ZNF862: variants seen among roughly 807,000 people sequenced by gnomAD.
ZNF862 encodes the protein zinc finger protein 862.
Under a neutral mutation model 91.1 loss-of-function variants are expected in ZNF862, and 64 were observed. The ratio of observed to expected loss-of-function variants is 0.70; its 90% CI spans 0.57 to 0.87. The LOEUF (loss-of-function observed/expected upper bound fraction) is 0.87, where lower values mean the gene tolerates loss of function less well. Ranked by LOEUF, ZNF862 falls within the 40% of genes least tolerant of loss-of-function variation. The pLI is 0.00. For synonymous variants in ZNF862, 631 were observed against 618.1 expected (o/e 1.02, Z -0.31); for missense variants, 1,459 against 1,528.0 (o/e 0.95, Z 0.75).
At chr7:149,856,164 G>C (rs1041650401) in intron 5 of ZNF862, 1 of 152,272 alleles carries the variant, frequency 6.6e-6, no homozygotes, top group Non-Finnish European at 1.5e-5. Context: ...ATGAGGAAGA[G>C]CTGGCTCCTG....
chr7:149,847,987 G>A lies in ZNF862; in HGVS notation c.494G>A (p.Arg165Gln), dbSNP rs1226967276. 1.2e-6 allele frequency: 2 copies of A among 1,612,394 alleles called. No individual in the cohort carries two copies. Among genetic ancestry groups the A allele is most frequent in the South Asian group, 1.1e-5 (1 of 90,816 alleles). Reference sequence around the variant, plus strand: ...ACGGCTCTGTTCTGCTCTGCTTGCCGAGAATACCCCTCCATCAGGGACAAA... The same window carrying A: ...ACGGCTCTGTTCTGCTCTGCTTGCCAAGAATACCCCTCCATCAGGGACAAA... ...EQTALFCSACREYPSIRDKRS... is the reference protein window; with the variant it reads ...EQTALFCSACQEYPSIRDKRS... Residue 165 changes from arginine to glutamine, a missense_variant, in exon 4 of 8, where the codon CGA becomes CAA. Coordinates refer to ENST00000223210, the MANE Select transcript of ZNF862 (RefSeq NM_001099220.3).
rs781430028 is a variant in ZNF862, at chr7:149,862,302, C to T, written c.3142C>T (p.Arg1048Ter). Residue 1048 changes from arginine (R) to a stop codon, truncating the protein, a stop_gained, in exon 7 of 8, where the codon CGA becomes TGA. Transcript: ENST00000223210. LOFTEE classifies it high-confidence loss of function. ...CCERGFKAMNRIRTDERTKLS... is the reference protein window; with the variant it reads ...CCERGFKAMN ...TGAGCGGGGGTTCAAGGCCATGAACCGAATCAGGACCGATGAGAGGACCAA... is the reference window on the plus strand; with the variant it reads ...TGAGCGGGGGTTCAAGGCCATGAACTGAATCAGGACCGATGAGAGGACCAA... 9 of 1,613,400 alleles carry T rather than the reference C, an allele frequency of 5.6e-6. No individual in the cohort carries two copies. The highest frequency in any genetic ancestry group is 4.0e-5 in the African/African-American group (3 of 74,914).
intron 2 of ZNF862, 86 bp from the exon 3 acceptor site, chr7:149,846,063 CAG>C (rs1364373069): frequency 1.1e-6 from 1 of 918,674 alleles, no homozygotes; most frequent in Non-Finnish European, 1.7e-6. Flanking sequence ...ATGTCGCAGA[CAG>C]ATACCTCCTT....
chr7:149,854,686 T>C (rs749167071), intron 5 of ZNF862, among the ~76,000 whole-genome samples: 11 of 152,188 alleles, frequency 7.2e-5, no homozygotes, highest in Non-Finnish European at 1.2e-4. Context: ...ACTTATGCTG[T>C]TGCCAGAATC....
rs755047518 is a variant in ZNF862, at chr7:149,847,834, A to C, written c.341A>C (p.His114Pro). ...CCTCAGAAGAAAGCCTACCTTTCCCACCTCAGTACAGGCAGTGGACACATC... is the reference window on the plus strand; with the variant it reads ...CCTCAGAAGAAAGCCTACCTTTCCCCCCTCAGTACAGGCAGTGGACACATC... ...LPPQKKAYLS[H>P]LSTGSGHIEG... Residue 114 changes from histidine to proline, a missense_variant, in exon 4 of 8, where the codon CAC becomes CCC. Physicochemically the swap from His to Pro is moderately conservative, Grantham distance 77. Transcript: ENST00000223210. 2.5e-6 allele frequency: 4 copies of C among 1,613,692 alleles called. No individual in the cohort carries two copies. Among genetic ancestry groups the C allele is most frequent in the Non-Finnish European group, 3.4e-6 (4 of 1,179,786 alleles).
chr7:149,863,967 T>C, intron 7 of ZNF862, 142 bp from the exon 8 acceptor site: 1 of 804,860 alleles, frequency 1.2e-6, no homozygotes, highest in Non-Finnish European at 1.9e-6. Flanking sequence ...TAGCAACAGA[T>C]GAGGGCTGCA....
At chr7:149,849,783 C>T (rs1801998555) in intron 4 of ZNF862, among the ~76,000 whole-genome samples, 1 of 152,172 alleles carries the variant, frequency 6.6e-6, no homozygotes, top group Non-Finnish European at 1.5e-5. Flanking sequence ...CTCTTTGTTC[C>T]CATCCCATTG....
rs1802039310 is a variant in ZNF862 at position 149,850,586 on chromosome 7, T to G, written c.1117+248T>G. ...TTTGGAGTACCTACTATGTGCCAGA[T>G]GAACACAGCTGATCCATGGTCTCTG... On this transcript the variant is annotated intron_variant, in intron 5 of 7. Transcript: ENST00000223210. The surrounding 1 kb of genome is among the most constrained non-coding windows in gnomAD (Gnocchi z 4.2). The G allele has an allele frequency of 6.5e-6, 3 of 463,930 alleles. No homozygotes were observed. The highest frequency in any genetic ancestry group is 2.0e-5 in the African/African-American group (1 of 50,768). The allele number at this position is 463,930 out of a possible 1,614,324, so 28.7% of individuals were successfully genotyped here.
In ZNF862 at chr7:149,860,423, G is replaced by C; in HGVS notation, c.1263G>C (p.Gln421His). The C allele has an allele frequency of 6.2e-7, 1 of 1,613,526 alleles. No individual in the cohort carries two copies. The highest frequency in any genetic ancestry group is 8.5e-7 in the Non-Finnish European group (1 of 1,179,706). Residue 421 changes from glutamine (Q) to histidine (H), a missense_variant, in exon 7 of 8, where the codon CAG becomes CAC. By Grantham distance (24) the Gln-to-His change is conservative. Transcript: ENST00000223210. ...TGGCAGTGAGAGAGGCAGACACACA[G>C]GCCTCGGCTGCAGACTCCGCGTTGC... Reference protein sequence around the residue: ...KMVAVREADTQASAADSALLP... With the variant: ...KMVAVREADTHASAADSALLP...
intron 1 of ZNF862, chr7:149,841,710 C>T: frequency 1.0e-6 from 1 of 985,402 alleles, no homozygotes; most frequent in Non-Finnish European, 1.2e-6. Flanking sequence ...GTACTTGTTG[C>T]TGTATGTATT....
chr7:149,863,332 T>C (rs1802586260), intron 7 of ZNF862, among the ~76,000 whole-genome samples: 1 of 142,688 alleles, frequency 7.0e-6, no homozygotes, highest in African/African-American at 3.0e-5. Context: ...CGGCTGTTGC[T>C]GCTCCCAGTG....
Position 149,853,363 on chromosome 7 carries a change from C to T in ZNF862, c.1117+3025C>T, listed in dbSNP as rs550484966. On this transcript the variant is annotated intron_variant, in intron 5 of 7. Coordinates refer to ENST00000223210, the MANE Select transcript of ZNF862 (RefSeq NM_001099220.3). ...ATGTGGGTGTTTGTGGGTGTGTGCACGCACTCGCCACAGTTATGTGCCCTC... is the reference window on the plus strand; with the variant it reads ...ATGTGGGTGTTTGTGGGTGTGTGCATGCACTCGCCACAGTTATGTGCCCTC... Among the ~76,000 whole-genome samples, 9 of 152,282 alleles carry T rather than the reference C, an allele frequency of 5.9e-5. No individual in the cohort carries two copies. The East Asian group carries it at 1.2e-3, about 20-fold the overall frequency.
intron 1 of ZNF862, among the ~76,000 whole-genome samples, chr7:149,843,834 T>C (rs1801784366): frequency 6.6e-6 from 1 of 152,210 alleles, no homozygotes; most frequent in African/African-American, 2.4e-5. Flanking sequence ...TGCTGGAAGA[T>C]GCCAAGCCTT....
chr7:149,841,318 C>T, intron 1 of ZNF862: 3 of 985,348 alleles, frequency 3.0e-6, no homozygotes, highest in Non-Finnish European at 3.6e-6. Flanking sequence ...CATCTTGGGC[C>T]ATTGGATTGA....
chr7:149,848,270 A>T lies in ZNF862; in HGVS notation c.777A>T (p.Pro259=), dbSNP rs751290211. The T allele has an allele frequency of 1.2e-6, 2 of 1,612,190 alleles. No individual in the cohort carries two copies. Among genetic ancestry groups the T allele is most frequent in the South Asian group, 2.2e-5 (2 of 90,664 alleles). ...GGFDSMAELL[P]SSRAELEDPG... is the part of the protein sequence containing the mutation. ...TTGATAGCATGGCTGAGCTCCTGCC[A>T]AGTTCAAGAGCTGAACTAGAGGACC... Residue 259 remains proline, a synonymous_variant, in exon 4 of 8, where the codon CCA becomes CCT. Transcript: ENST00000223210.
At chr7:149,858,056 G>A (rs890510656) in intron 5 of ZNF862, among the ~76,000 whole-genome samples, 2 of 152,094 alleles carry the variant, frequency 1.3e-5, no homozygotes, top group Non-Finnish European at 2.9e-5. Flanking sequence ...TAGGTGAGAG[G>A]ACCTGGGATT....
chr7:149,838,442 C>G lies in ZNF862; in HGVS notation c.-170C>G, dbSNP rs1487588139. On this transcript the variant is annotated 5_prime_UTR_variant, in exon 1 of 8. Coordinates refer to ENST00000223210, the MANE Select transcript of ZNF862 (RefSeq NM_001099220.3). ...CTCAGCGCGCTTATCCTGGGTCCAC[C>G]GGCGCTACCGCCCCCCGACGTGAGA... The G allele has an allele frequency of 7.2e-6, 3 of 415,632 alleles. No homozygotes were observed. Among genetic ancestry groups the G allele is most frequent in the Non-Finnish European group, 1.2e-5 (3 of 242,566 alleles). The allele number at this position is 415,632 out of a possible 1,614,324, so 25.7% of individuals were successfully genotyped here. A position where few individuals can be genotyped will look rare whatever the true frequency, so the allele number is the denominator to read the frequency against.
At chr7:149,857,833 A>G (rs1290903442) in intron 5 of ZNF862, among the ~76,000 whole-genome samples, 1 of 152,146 alleles carries the variant, frequency 6.6e-6, no homozygotes, top group Non-Finnish European at 1.5e-5. Context: ...TTTGGAGGGT[A>G]TGATAAGCCC....
rs549572374 is a variant in ZNF862 at position 149,848,213 on chromosome 7, C to T, written c.720C>T (p.Pro240=). ...SPEPLFTADC[P]IFYPPGPLGG... The stretch of plus-strand genomic sequence containing the variant: ...AGCCGCTCTTCACTGCAGATTGCCC[C>T]ATATTCTACCCCCCAGGGCCTCTGG... Residue 240 remains proline, a synonymous_variant, in exon 4 of 8, where the codon CCC becomes CCT. Coordinates refer to ENST00000223210, the MANE Select transcript of ZNF862 (RefSeq NM_001099220.3). The T allele has an allele frequency of 9.3e-6, 15 of 1,613,952 alleles. No homozygotes were observed. The African/African-American group carries it at 1.7e-4, about 19-fold the overall frequency.
Sources: gnomAD v4.1 joint callset for allele counts (sites outside exome capture counted in the v4.1 genomes callset) on GRCh38, gnomAD v4.1.1 for gene constraint, Gnocchi (gnomAD v3.1) non-coding constraint, MANE v1.5 for transcripts, NCBI Gene and HGNC (gene_info 2026-07-23, HGNC 2026-07-21) for gene names.